TMEM14B: variants seen among roughly 807,000 people sequenced by gnomAD.
TMEM14B encodes the protein transmembrane protein 14B.
Under a neutral mutation model 14.8 loss-of-function variants are expected in TMEM14B, and 9 were observed. The observed-to-expected ratio is 0.61, with a 90% CI of 0.37 to 1.06. TMEM14B has a LOEUF of 1.06. Ranked by LOEUF, TMEM14B falls within the 50% of genes least tolerant of loss-of-function variation. TMEM14B has a pLI of 0.01. For missense variants in TMEM14B, 128 were observed against 143.6 expected (o/e 0.89, Z 0.56); for synonymous variants, 40 against 51.3 (o/e 0.78, Z 0.94).
chr6:10,757,990 C>CA (rs796233052), downstream of TMEM14B, among the ~76,000 whole-genome samples: 7,009 of 106,152 alleles, frequency 0.066, 407 homozygotes, highest in African/African-American at 0.19. Context: ...GACTCTGTCT[C>CA]AAAAAAAAAA....
chr6:10,749,148 G>C, intron 1 of TMEM14B, 54 bp from the exon 2 acceptor site: 1 of 1,257,404 alleles, frequency 8.0e-7, no homozygotes, highest in Non-Finnish European at 1.2e-6. Flanking sequence ...ACTTCTTTCT[G>C]ACTGCTGGGG....
In TMEM14B at chr6:10,755,236, C is replaced by CT. The variant is rs768515473; in HGVS notation, c.293+7dup. The CT allele has an allele frequency of 6.2e-7, 1 of 1,614,050 alleles. No individual in the cohort carries two copies. Among genetic ancestry groups the CT allele is most frequent in the African/African-American group, 1.3e-5 (1 of 74,950 alleles). On this transcript the variant is annotated splice_donor_region_variant and intron_variant, in intron 5 of 5. Transcript: ENST00000379542. ...TAGGTTTAATTGCAGGTGCCAGGTACTTTCATTCTATTACTCTTCTTTACC... is the reference window on the plus strand; with the variant it reads ...TAGGTTTAATTGCAGGTGCCAGGTACTTTTCATTCTATTACTCTTCTTTACC...
chr6:10,755,132 T>G lies in TMEM14B; in HGVS notation c.203-10T>G. ...TAATGAGTTTTGACCCTTCTTTGTA[T>G]CTTTTTCAGCCGCTACATCTGTTAC... is the stretch of plus-strand genomic sequence containing the variant. On this transcript the variant is annotated splice_polypyrimidine_tract_variant and intron_variant, in intron 4 of 5. Coordinates refer to ENST00000379542, the MANE Select transcript of TMEM14B (RefSeq NM_030969.5). 1 of 1,613,154 alleles carries G rather than the reference T, an allele frequency of 6.2e-7. No individual in the cohort carries two copies. Among genetic ancestry groups the G allele is most frequent in the Non-Finnish European group, 8.5e-7 (1 of 1,179,946 alleles).
At chr6:10,758,655 G>GT (rs200668437), downstream of TMEM14B, among the ~76,000 whole-genome samples, 6 of 151,694 alleles carry the variant, frequency 4.0e-5, no homozygotes, top group African/African-American at 1.4e-4. Flanking sequence ...CCATATTACT[G>GT]TGGGGGCACA....
At chr6:10,758,310 G>A (rs1561917327), downstream of TMEM14B, among the ~76,000 whole-genome samples, 1 of 152,172 alleles carries the variant, frequency 6.6e-6, no homozygotes, top group Non-Finnish European at 1.5e-5. Flanking sequence ...AGTCCTAGAG[G>A]AGGACCTGGC....
intron 3 of TMEM14B, 27 bp from the exon 4 acceptor site, chr6:10,751,106 A>G (rs1282321550): frequency 1.2e-6 from 2 of 1,612,192 alleles, no homozygotes; most frequent in Non-Finnish European, 8.5e-7. Context: ...TGACATTACA[A>G]TGCAAGCTGC....
chr6:10,749,586 G>A (rs1280768437), intron 2 of TMEM14B, 36 bp from the exon 3 acceptor site: 5 of 1,610,626 alleles, frequency 3.1e-6, no homozygotes, highest in African/African-American at 1.3e-5. Flanking sequence ...ATCCAGGTTA[G>A]CACTGACTTC....
chr6:10,748,053 G>A (rs1424368304), intron 1 of TMEM14B, among the ~76,000 whole-genome samples, 172 bp downstream of exon 1: 2 of 152,146 alleles, frequency 1.3e-5, no homozygotes, highest in African/African-American at 2.4e-5. Flanking sequence ...CTTAAAAGAG[G>A]CTGTGGATGC....
In TMEM14B at chr6:10,750,714, A is replaced by G. The variant is rs1771517600; in HGVS notation, c.101-419A>G. On this transcript the variant is annotated intron_variant, in intron 3 of 5. Transcript: ENST00000379542. ...CCTTGAGGACGGGGCTGCCAGTGAA[A>G]GAGCCAAGATGGAGTCTGTCTGGCT... Among the ~76,000 whole-genome samples, 2 of 152,062 alleles carry G rather than the reference A, an allele frequency of 1.3e-5. 1 individual carries two copies. Among genetic ancestry groups the G allele is most frequent in the African/African-American group, 4.8e-5 (2 of 41,312 alleles).
intron 3 of TMEM14B, chr6:10,749,989 C>T (rs1003255532): frequency 4.0e-5 from 18 of 452,832 alleles, no homozygotes; most frequent in Admixed American, 1.4e-4. Context: ...CAGCCATGAC[C>T]CCCAAGTGCC....
At position 10,749,202 on chromosome 6, in the gene TMEM14B, A is replaced by G. The variant is rs761223223; in HGVS notation, c.-44A>G. ...TGCTGATCCGGCTTGTTTTCCCCAG[A>G]TGCAGGCCTGGGGTAGTCTCCTTTC... On this transcript the variant is annotated splice_region_variant and 5_prime_UTR_variant, in exon 2 of 6. It removes an upstream start codon present in the reference 5' UTR. Transcript: ENST00000379542. 9.9e-6 allele frequency: 16 copies of G among 1,609,630 alleles called. No individual in the cohort carries two copies. In the Admixed American group the frequency reaches 2.3e-4, roughly 24 times the overall value.
At position 10,756,804 on chromosome 6, in the gene TMEM14B, T is replaced by C; in HGVS notation, c.*286T>C. The C allele has an allele frequency of 9.6e-7, 1 of 1,040,316 alleles. No individual in the cohort carries two copies. The highest frequency in any genetic ancestry group is 1.2e-6 in the Non-Finnish European group (1 of 865,932). The allele number at this position is 1,040,316 out of a possible 1,614,324, so 64.4% of individuals were successfully genotyped here. A position where few individuals can be genotyped will look rare whatever the true frequency, so the allele number is the denominator to read the frequency against. On this transcript the variant is annotated 3_prime_UTR_variant, in exon 6 of 6. Coordinates refer to ENST00000379542, the MANE Select transcript of TMEM14B (RefSeq NM_030969.5). Reference sequence around the variant, plus strand: ...CTATAGGTAAATCTCAAGGGTAAAATGTTAGGTGTTGACATTGAGAACCCT... The same window carrying C: ...CTATAGGTAAATCTCAAGGGTAAAACGTTAGGTGTTGACATTGAGAACCCT...
chr6:10,751,023 T>C (rs1771532342), intron 3 of TMEM14B, 110 bp from the exon 4 acceptor site: 1 of 1,299,424 alleles, frequency 7.7e-7, no homozygotes, highest in African/African-American at 1.5e-5. Flanking sequence ...GGCTGTGAGC[T>C]GTGTTGAGAG....
At chr6:10,755,043 T>A in intron 4 of TMEM14B, 99 bp from the exon 5 acceptor site, 3 of 1,261,712 alleles carry the variant, frequency 2.4e-6, no homozygotes, top group Non-Finnish European at 3.4e-6. Flanking sequence ...AAGCATAGGA[T>A]GAGGCGTGAG....
intron 4 of TMEM14B, among the ~76,000 whole-genome samples, chr6:10,753,955 A>G (rs866119854): frequency 6.6e-6 from 1 of 152,112 alleles, no homozygotes; most frequent in African/African-American, 2.4e-5. Flanking sequence ...TGTTCTCTAT[A>G]GTATAGCTAG....
chr6:10,758,032 T>C (rs1771865037), downstream of TMEM14B, among the ~76,000 whole-genome samples: 1 of 152,070 alleles, frequency 6.6e-6, no homozygotes, highest in Admixed American at 6.6e-5. Context: ...TTACCCTAAC[T>C]GATACTGGTT....
intron 3 of TMEM14B, among the ~76,000 whole-genome samples, chr6:10,750,228 G>T (rs1052552618): frequency 2.6e-5 from 4 of 151,440 alleles, no homozygotes; most frequent in Non-Finnish European, 5.9e-5. Context: ...TTTGCTGGAG[G>T]TCCTGCCTGT....
chr6:10,754,110 T>C (rs1180667951), intron 4 of TMEM14B, among the ~76,000 whole-genome samples: 4 of 152,110 alleles, frequency 2.6e-5, no homozygotes, highest in Non-Finnish European at 5.9e-5. Context: ...CGGTCTCCAC[T>C]AAAATTAAAA....
chr6:10,749,396 C>A, intron 2 of TMEM14B, 128 bp downstream of exon 2: 3 of 1,278,810 alleles, frequency 2.3e-6, no homozygotes, highest in South Asian at 1.3e-5. Context: ...GATCACTGGA[C>A]CTGTGGGCCA....
Sources: allele counts gnomAD v4.1 joint callset (sites outside exome capture counted in the v4.1 genomes callset), GRCh38; gene constraint gnomAD v4.1.1; transcripts MANE v1.5; gene names NCBI Gene and HGNC (gene_info 2026-07-23, HGNC 2026-07-21).